Variants in DLGAP1 observed in about 807,000 individuals in gnomAD.
The protein encoded by DLGAP1 is DLG associated protein 1, also known as disks large-associated protein 1.
In DLGAP1, 11 loss-of-function variants were observed where a neutral mutation model predicts 90.8. That is an observed-to-expected ratio of 0.12 (90% confidence interval 0.08 to 0.20). The LOEUF (loss-of-function observed/expected upper bound fraction) is 0.20. DLGAP1 is among the 10% of genes least tolerant of loss of function. DLGAP1 has a pLI of 1.00. For missense variants in DLGAP1, 1,050 were observed against 1,333.8 expected (o/e 0.79, Z 3.31); for synonymous variants, 558 against 540.7 (o/e 1.03, Z -0.44).
intron 7 of DLGAP1, among the ~76,000 whole-genome samples, chr18:3,601,648 G>T (rs1230257716): frequency 1.3e-5 from 2 of 151,842 alleles, no homozygotes; most frequent in African/African-American, 4.8e-5. Flanking sequence ...TTTGAGACCA[G>T]CCTGACCAAC....
At chr18:3,505,504 G>A (rs551138480) in intron 11 of DLGAP1, among the ~76,000 whole-genome samples, 1 of 151,844 alleles carries the variant, frequency 6.6e-6, no homozygotes, top group African/African-American at 2.4e-5. Context: ...TGGGTGTCGT[G>A]GTGGGCGCCT....
At chr18:3,870,678 T>C (rs1385559187) in intron 4 of DLGAP1, among the ~76,000 whole-genome samples, 1 of 152,084 alleles carries the variant, frequency 6.6e-6, no homozygotes, top group African/African-American at 2.4e-5. Flanking sequence ...TTTGCAAATA[T>C]GGTAACAGCT....
At chr18:4,265,427 C>G (rs774441165) in intron 1 of DLGAP1, among the ~76,000 whole-genome samples, 96 of 151,576 alleles carry the variant, frequency 6.3e-4, no homozygotes, top group Non-Finnish European at 1.2e-3. Context: ...CCTCGGCCCC[C>G]CAAAGTGCTG....
At chr18:3,676,176 A>G (rs2060291993) in intron 7 of DLGAP1, among the ~76,000 whole-genome samples, 1 of 152,232 alleles carries the variant, frequency 6.6e-6, no homozygotes, top group African/African-American at 2.4e-5. Context: ...CCGCGTGTAC[A>G]GCAAGGAGCA....
At chr18:4,035,940 A>G (rs533493906) in intron 2 of DLGAP1, among the ~76,000 whole-genome samples, 63 of 152,196 alleles carry the variant, frequency 4.1e-4, no homozygotes, top group African/African-American at 1.4e-3. Flanking sequence ...TCTACTAAGA[A>G]GTAGACATAA....
chr18:4,205,034 A>G (rs1023740666), intron 1 of DLGAP1, among the ~76,000 whole-genome samples: 4 of 152,226 alleles, frequency 2.6e-5, no homozygotes, highest in Non-Finnish European at 5.9e-5. Context: ...ATTAAAGATA[A>G]CAGACAAGAA....
chr18:3,968,136 A>C (rs1599237849), intron 3 of DLGAP1, among the ~76,000 whole-genome samples: 1 of 152,220 alleles, frequency 6.6e-6, no homozygotes, highest in Non-Finnish European at 1.5e-5. Context: ...TAGATGAAGG[A>C]GACATAACTG....
At chr18:3,520,492 G>A (rs1377943808) in intron 10 of DLGAP1, among the ~76,000 whole-genome samples, 4 of 152,106 alleles carry the variant, frequency 2.6e-5, no homozygotes, top group Non-Finnish European at 2.9e-5. Flanking sequence ...TGGAGATAAC[G>A]TTCTTAAAGA....
intron 1 of DLGAP1, among the ~76,000 whole-genome samples, chr18:4,340,006 G>T (rs1022639423): frequency 6.6e-6 from 1 of 151,848 alleles, no homozygotes; most frequent in Non-Finnish European, 1.5e-5. Flanking sequence ...CTTATCAATG[G>T]GGGATATCTT....
chr18:3,874,878 T>A, intron 4 of DLGAP1: 2 of 880,010 alleles, frequency 2.3e-6, no homozygotes, highest in Non-Finnish European at 3.1e-6. Flanking sequence ...CATAATACAA[T>A]TGACCGTATT....
rs138034427 is a variant in DLGAP1, at chr18:3,879,151, G to A, written c.918C>T (p.Ser306=). ...SVNMDQAMVK[S]ESCQQERSCQ... ...AGGAGCGTTCTTGCTGACACGACTCGGACTTCACCATGGCCTGGTCCATGT... is the reference window on the plus strand; with the variant it reads ...AGGAGCGTTCTTGCTGACACGACTCAGACTTCACCATGGCCTGGTCCATGT... Residue 306 remains serine (S), a synonymous_variant, in exon 4 of 13, where the codon TCC becomes TCT. Transcript: ENST00000315677. The surrounding 1 kb of genome is among the most constrained non-coding windows in gnomAD (Gnocchi z 6.6). 8.4e-5 allele frequency: 126 copies of A among 1,508,732 alleles called. No homozygotes were observed. The highest frequency in any genetic ancestry group is 5.5e-4 in the African/African-American group (39 of 71,490). The allele number at this position is 1,508,732 out of a possible 1,614,324, so 93.5% of individuals were successfully genotyped here. A position where few individuals can be genotyped will look rare whatever the true frequency, so the allele number is the denominator to read the frequency against.
At chr18:3,813,679 A>G (rs1045831753) in intron 5 of DLGAP1, among the ~76,000 whole-genome samples, 13 of 152,280 alleles carry the variant, frequency 8.5e-5, no homozygotes, top group Admixed American at 3.3e-4. Flanking sequence ...GTCTTAAGAA[A>G]AAGTTCTTGT....
rs1314226831 is a variant in DLGAP1, at chr18:3,772,460, C to CTT, written c.1173-29950_1173-29949dup. On this transcript the variant is annotated intron_variant, in intron 5 of 12. Transcript: ENST00000315677. Reference sequence around the variant, plus strand: ...CTCCCTCCCTCCCCCCCACCCCCCTCTTTCTTTCTTTCTTTCTTTCTTCTG... The same window carrying CTT: ...CTCCCTCCCTCCCCCCCACCCCCCTCTTTTTCTTTCTTTCTTTCTTTCTTCTG... 8.0e-5 allele frequency among the ~76,000 whole-genome samples: 10 copies of CTT among 125,168 alleles called. 2 individuals carry two copies. The highest frequency in any genetic ancestry group is 1.6e-4 in the Non-Finnish European group (10 of 60,894). The allele number at this position is 125,168 out of a possible 152,430, so 82.1% of individuals were successfully genotyped here.
At chr18:3,840,342 G>A (rs926225441) in intron 4 of DLGAP1, among the ~76,000 whole-genome samples, 1 of 152,158 alleles carries the variant, frequency 6.6e-6, no homozygotes, top group Non-Finnish European at 1.5e-5. Context: ...AGATAGCAGA[G>A]CTGGGCGTCC....
chr18:4,443,784 A>T (rs2083594281), intron 1 of DLGAP1, among the ~76,000 whole-genome samples: 2 of 152,256 alleles, frequency 1.3e-5, no homozygotes, highest in Admixed American at 1.3e-4. Context: ...GATCCGTAAG[A>T]AAATAAAGAC....
intron 3 of DLGAP1, among the ~76,000 whole-genome samples, chr18:3,988,162 T>G (rs1374840531): frequency 6.6e-6 from 1 of 152,070 alleles, no homozygotes; most frequent in African/African-American, 2.4e-5. Context: ...TCCACTTCAC[T>G]CTATAATCTC....
chr18:4,127,583 A>C (rs2049161), intron 2 of DLGAP1, among the ~76,000 whole-genome samples: 32,885 of 152,128 alleles, frequency 0.22, 3,944 homozygotes, highest in African/African-American at 0.31. Context: ...ATTTCCCAGC[A>C]GTTGACTTGA....
At chr18:4,256,070 C>A (rs1299099295) in intron 1 of DLGAP1, among the ~76,000 whole-genome samples, 1 of 152,210 alleles carries the variant, frequency 6.6e-6, no homozygotes, top group African/African-American at 2.4e-5. Flanking sequence ...AGCTGAACCA[C>A]TGACTCTCCA....
At chr18:3,932,637 G>A (rs1436371445) in intron 3 of DLGAP1, among the ~76,000 whole-genome samples, 2 of 152,120 alleles carry the variant, frequency 1.3e-5, no homozygotes. Context: ...GGAGGAGTCC[G>A]GCCTGGTCTC....
Sources: allele counts gnomAD v4.1 joint callset (sites outside exome capture counted in the v4.1 genomes callset), GRCh38; gene constraint gnomAD v4.1.1; non-coding constraint Gnocchi (gnomAD v3.1); transcripts MANE v1.5; gene names NCBI Gene and HGNC (gene_info 2026-07-23, HGNC 2026-07-21).